Variants in CNGB1 observed in about 807,000 individuals in gnomAD.
CNGB1 encodes cyclic nucleotide-gated channel beta-1.
A neutral mutation model predicts 151.7 loss-of-function variants in CNGB1; 126 were observed. The ratio of observed to expected loss-of-function variants is 0.83; its 90% CI spans 0.72 to 0.96. The LOEUF is 0.96. CNGB1 is among the 40% of genes least tolerant of loss of function. The pLI is 0.00. For missense variants in CNGB1, 1,698 were observed against 1,627.0 expected (o/e 1.04, Z -0.75); for synonymous variants, 623 against 635.1 (o/e 0.98, Z 0.29).
At chr16:57,884,572 C>T (rs749840420) in intron 32 of CNGB1, 115 bp from the exon 33 acceptor site, 62 of 1,157,638 alleles carry the variant, frequency 5.4e-5, no homozygotes, top group Middle Eastern at 4.1e-4. Flanking sequence ...CAGCGGAACA[C>T]ACAGCGGGTG....
intron 1 of CNGB1, among the ~76,000 whole-genome samples, chr16:57,969,977 G>A (rs1355613510): frequency 6.6e-6 from 1 of 152,184 alleles, no homozygotes; most frequent in Admixed American, 6.5e-5. Flanking sequence ...GGGCAGCCCA[G>A]GCCCAGGATC....
rs7196504 is a variant in CNGB1 at position 57,893,671 on chromosome 16, G to A, written c.3242+3726C>T. 2.6e-5 allele frequency among the ~76,000 whole-genome samples: 4 copies of A among 152,072 alleles called. No homozygotes were observed. In the South Asian group the frequency reaches 6.2e-4, roughly 24 times the overall value. On this transcript the variant is annotated intron_variant, in intron 31 of 32. Coordinates refer to ENST00000251102, the MANE Select transcript of CNGB1 (RefSeq NM_001297.5). ...AAATTAGCCGGGTGTGGTGGCATGTGCCTGCAGTAGTCCCAGCTATTGGGG... is the reference window on the plus strand; with the variant it reads ...AAATTAGCCGGGTGTGGTGGCATGTACCTGCAGTAGTCCCAGCTATTGGGG...
chr16:57,928,790 A>G (rs992979648), intron 17 of CNGB1, among the ~76,000 whole-genome samples: 16 of 152,164 alleles, frequency 1.1e-4, no homozygotes, highest in African/African-American at 3.6e-4. Context: ...GGCATGTGCC[A>G]CCATGCCCAG....
chr16:57,896,271 T>C (rs1206645794), intron 31 of CNGB1, among the ~76,000 whole-genome samples: 1 of 152,072 alleles, frequency 6.6e-6, no homozygotes, highest in Non-Finnish European at 1.5e-5. Flanking sequence ...AAATCATCGA[T>C]ATTGGGAGTA....
At chr16:57,901,708 G>T (rs1336170380) in intron 27 of CNGB1, 83 bp from the exon 28 acceptor site, 7 of 1,066,332 alleles carry the variant, frequency 6.6e-6, no homozygotes, top group East Asian at 2.5e-5. Context: ...CCACCTACTG[G>T]CTCACCAGGG....
At chr16:57,947,381 T>A (rs531845401) in intron 14 of CNGB1, among the ~76,000 whole-genome samples, 1 of 152,136 alleles carries the variant, frequency 6.6e-6, no homozygotes, top group South Asian at 2.1e-4. Flanking sequence ...GAAGCACAGC[T>A]CCATAGAAAG....
chr16:57,890,376 G>A (rs1201944161), intron 31 of CNGB1, among the ~76,000 whole-genome samples: 1 of 152,208 alleles, frequency 6.6e-6, no homozygotes, highest in Non-Finnish European at 1.5e-5. Context: ...TGTCCCCCAT[G>A]TTATTTGAGT....
intron 24 of CNGB1, 152 bp from the exon 25 acceptor site, chr16:57,912,027 G>T (rs776640439): frequency 2.5e-5 from 24 of 967,044 alleles, no homozygotes; most frequent in Non-Finnish European, 3.4e-5. Flanking sequence ...CTTGAATGGG[G>T]CGTTGTCATG....
At chr16:57,940,380 C>T (rs1011905863) in intron 14 of CNGB1, 59 bp from the exon 15 acceptor site, 15 of 1,513,498 alleles carry the variant, frequency 9.9e-6, no homozygotes, top group Non-Finnish European at 1.3e-5. Context: ...TTAAAGGTTT[C>T]CCCAGCCCTG....
chr16:57,904,948 A>G, intron 25 of CNGB1, 73 bp from the exon 26 acceptor site: 3 of 1,586,464 alleles, frequency 1.9e-6, no homozygotes, highest in Non-Finnish European at 1.7e-6. Context: ...TCTGGCTCAG[A>G]CGCCTCTGAT....
At chr16:57,950,054 C>A (rs1961910321) in intron 13 of CNGB1, among the ~76,000 whole-genome samples, 1 of 152,144 alleles carries the variant, frequency 6.6e-6, no homozygotes, top group Admixed American at 6.5e-5. Flanking sequence ...AATGAAGATG[C>A]CCTCTATATC....
intron 25 of CNGB1, among the ~76,000 whole-genome samples, chr16:57,905,290 A>T (rs1280987817): frequency 3.3e-5 from 5 of 152,200 alleles, no homozygotes; most frequent in African/African-American, 9.6e-5. Flanking sequence ...AGCAAAAGCA[A>T]CATCAAGTTT....
chr16:57,904,019 G>A (rs367663979), intron 26 of CNGB1, 38 bp from the exon 27 acceptor site: 214 of 1,592,648 alleles, frequency 1.3e-4, no homozygotes, highest in Non-Finnish European at 1.8e-4. Flanking sequence ...GAAGCCACTG[G>A]GTCATTGGGG....
chr16:57,897,352 AT>A, intron 31 of CNGB1, 44 bp downstream of exon 31: 3 of 1,608,620 alleles, frequency 1.9e-6, no homozygotes, highest in Non-Finnish European at 2.6e-6. Context: ...AGAGAAATTC[AT>A]TGTCCTTAGC....
chr16:57,901,830 C>T (rs548880800), intron 27 of CNGB1, among the ~76,000 whole-genome samples: 1 of 152,318 alleles, frequency 6.6e-6, no homozygotes, highest in South Asian at 2.1e-4. Context: ...TGTGCATTTC[C>T]CAAACTCCTA....
chr16:57,945,119 C>T (rs181349729), intron 14 of CNGB1, among the ~76,000 whole-genome samples: 69 of 152,180 alleles, frequency 4.5e-4, no homozygotes, highest in Admixed American at 3.8e-3. Context: ...GGCCAATCCA[C>T]GGTCATACCG....
rs1254028388 is a variant in CNGB1 at position 57,887,949 on chromosome 16, C to T, written c.3368G>A (p.Gly1123Glu). The T allele has an allele frequency of 3.1e-6, 5 of 1,614,072 alleles. No homozygotes were observed. The highest frequency in any genetic ancestry group is 1.7e-5 in the Admixed American group (1 of 60,004). ...LAMTGKMGGK[G>E]AKGGKLAHLR... ...GTGAGCAAGTTTGCCGCCTTTTGCC[C>T]CCTTGCCACCCATCTTTCCTGTCAT... The change falls in exon 32 of 33, where the codon GGG (glycine) becomes GAG (glutamate). Residue 1123 changes from glycine to glutamate, a missense_variant. Coordinates refer to ENST00000251102, the MANE Select transcript of CNGB1 (RefSeq NM_001297.5).
rs1959828148 is a variant in CNGB1 at position 57,884,013 on chromosome 16, G to T, written c.*151C>A. 9.1e-6 allele frequency: 10 copies of T among 1,094,932 alleles called. No homozygotes were observed. Among genetic ancestry groups the T allele is most frequent in the Non-Finnish European group, 1.2e-5 (9 of 741,328 alleles). The allele number at this position is 1,094,932 out of a possible 1,614,324, so 67.8% of individuals were successfully genotyped here. Reference sequence around the variant, plus strand: ...TGAGTCGGGGCTGGCGTGCTGGCGGGACGGTCAGAGCTGCAGCCACTGAGG... The same window carrying T: ...TGAGTCGGGGCTGGCGTGCTGGCGGTACGGTCAGAGCTGCAGCCACTGAGG... On this transcript the variant is annotated 3_prime_UTR_variant, in exon 33 of 33. Coordinates refer to ENST00000251102, the MANE Select transcript of CNGB1 (RefSeq NM_001297.5).
At chr16:57,919,580 A>G (rs1292497626) in intron 19 of CNGB1, among the ~76,000 whole-genome samples, 2 of 151,636 alleles carry the variant, frequency 1.3e-5, no homozygotes, top group African/African-American at 4.8e-5. Context: ...TTGTGCTTAG[A>G]CCCCCTTTGT....
Sources: gnomAD v4.1 joint callset for allele counts (sites outside exome capture counted in the v4.1 genomes callset) on GRCh38, gnomAD v4.1.1 for gene constraint, MANE v1.5 for transcripts, NCBI Gene and HGNC (gene_info 2026-07-23, HGNC 2026-07-21) for gene names.